MTHFD2L: variants seen among roughly 807,000 people sequenced by gnomAD.
The protein encoded by MTHFD2L is methylenetetrahydrofolate dehydrogenase (NADP+ dependent) 2 like, also known as bifunctional methylenetetrahydrofolate dehydrogenase/cyclohydrolase 2, mitochondrial.
A neutral mutation model predicts 34.9 loss-of-function variants in MTHFD2L; 29 were observed. The ratio of observed to expected loss-of-function variants is 0.83; its 90% CI spans 0.62 to 1.13. MTHFD2L has a LOEUF of 1.13. MTHFD2L is among the 50% of genes most tolerant of loss of function. The probability of loss-of-function intolerance (pLI) is 0.00; values close to 1 mark genes in which losing one functional copy is unlikely to be tolerated. For synonymous variants in MTHFD2L, 167 were observed against 155.7 expected, an observed-to-expected ratio of 1.07 and a Z score of -0.54; for missense variants, 481 against 446.5, an observed-to-expected ratio of 1.08 and a Z score of -0.70.
Position 74,215,227 on chromosome 4 carries a change from A to G in MTHFD2L, c.713-10075A>G, listed in dbSNP as rs571276673. On this transcript the variant is annotated intron_variant, in intron 5 of 7. Coordinates refer to ENST00000325278, the MANE Select transcript of MTHFD2L (RefSeq NM_001144978.3). The stretch of plus-strand genomic sequence containing the variant: ...ACGGTTCTGTCTCACTGATGTTCCA[A>G]GCGACACTGGGATATGAGAAAAAAA... 7.0e-4 allele frequency among the ~76,000 whole-genome samples: 106 copies of G among 151,810 alleles called. 1 individual carries two copies. Among genetic ancestry groups the G allele is most frequent in the African/African-American group, 2.5e-3 (101 of 41,118 alleles).
At chr4:74,193,040 ATTC>A (rs1732836848) in intron 3 of MTHFD2L, among the ~76,000 whole-genome samples, 5 of 152,136 alleles carry the variant, frequency 3.3e-5, no homozygotes, top group Admixed American at 3.3e-4. Context: ...ATACAATGAT[ATTC>A]TTCTAAATTT....
intron 3 of MTHFD2L, among the ~76,000 whole-genome samples, chr4:74,176,600 G>A (rs1358358168): frequency 6.6e-6 from 1 of 152,004 alleles, no homozygotes; most frequent in Admixed American, 6.6e-5. Flanking sequence ...TTTGAAAGAA[G>A]TGCTATGACT....
intron 6 of MTHFD2L, among the ~76,000 whole-genome samples, chr4:74,254,860 C>T (rs554355285): frequency 1.3e-5 from 2 of 152,024 alleles, no homozygotes; most frequent in Non-Finnish European, 2.9e-5. Flanking sequence ...ATTGGCTGGG[C>T]GCAGTGGCTC....
At chr4:74,249,436 A>T (rs10014580) in intron 6 of MTHFD2L, among the ~76,000 whole-genome samples, 2 of 152,044 alleles carry the variant, frequency 1.3e-5, no homozygotes, top group Non-Finnish European at 2.9e-5. Flanking sequence ...TCTTTATCCA[A>T]TTTGCCAGTC....
chr4:74,274,120 G>A (rs565295564), intron 6 of MTHFD2L, among the ~76,000 whole-genome samples: 1 of 151,930 alleles, frequency 6.6e-6, no homozygotes, highest in Non-Finnish European at 1.5e-5. Flanking sequence ...CCAAAGTGCT[G>A]GGATTACAGG....
At chr4:74,199,746 CAAAT>C (rs763852807) in intron 3 of MTHFD2L, 44 bp from the exon 4 acceptor site, 4 of 1,505,462 alleles carry the variant, frequency 2.7e-6, no homozygotes, top group Non-Finnish European at 3.6e-6. Context: ...TTCAGGCTAC[CAAAT>C]AAATAACAAT....
chr4:74,243,349 G>A lies in MTHFD2L; in HGVS notation c.805+17955G>A, dbSNP rs915076227. ...GCAGGTTATCTTTGTACTCCCAAATGTGAGGATACTGTCTCATCACATTCC... is the reference window on the plus strand; with the variant it reads ...GCAGGTTATCTTTGTACTCCCAAATATGAGGATACTGTCTCATCACATTCC... On this transcript the variant is annotated intron_variant, in intron 6 of 7. Coordinates refer to ENST00000325278, the MANE Select transcript of MTHFD2L (RefSeq NM_001144978.3). Among the ~76,000 whole-genome samples, 9 of 152,276 alleles carry A rather than the reference G, an allele frequency of 5.9e-5. No homozygotes were observed. The East Asian group carries it at 1.7e-3, about 29-fold the overall frequency.
intron 6 of MTHFD2L, among the ~76,000 whole-genome samples, chr4:74,270,573 A>T (rs1197390941): frequency 1.3e-5 from 2 of 152,166 alleles, no homozygotes; most frequent in Admixed American, 6.6e-5. Flanking sequence ...TCTATCATTA[A>T]TGGACATTTG....
chr4:74,160,471 G>A, intron 1 of MTHFD2L: 1 of 156,132 alleles, frequency 6.4e-6, no homozygotes, highest in South Asian at 1.9e-4. Context: ...GATGGAGTTT[G>A]GAAGTTACCG....
intron 6 of MTHFD2L, among the ~76,000 whole-genome samples, chr4:74,242,941 G>A (rs1344312323): frequency 6.6e-6 from 1 of 152,180 alleles, no homozygotes; most frequent in Non-Finnish European, 1.5e-5. Context: ...CTCTCCTAAT[G>A]TATAACATTT....
At chr4:74,197,070 GT>G (rs1733611786) in intron 3 of MTHFD2L, among the ~76,000 whole-genome samples, 1 of 151,818 alleles carries the variant, frequency 6.6e-6, no homozygotes, top group Non-Finnish European at 1.5e-5. Flanking sequence ...GATGACTTCT[GT>G]TTTTCCTAGC....
At chr4:74,205,852 A>AT (rs79353659) in intron 5 of MTHFD2L, among the ~76,000 whole-genome samples, 5,813 of 152,190 alleles carry the variant, frequency 0.038, 202 homozygotes, top group East Asian at 0.21. Flanking sequence ...AGGGGATATG[A>AT]TATACAAGTA....
intron 1 of MTHFD2L, among the ~76,000 whole-genome samples, chr4:74,162,812 C>A (rs953881011): frequency 5.9e-5 from 9 of 152,142 alleles, no homozygotes; most frequent in African/African-American, 2.2e-4. Flanking sequence ...AAGGCTTGAA[C>A]CCACATCATC....
intron 7 of MTHFD2L, among the ~76,000 whole-genome samples, chr4:74,284,261 C>A (rs1279266435): frequency 6.6e-6 from 1 of 152,032 alleles, no homozygotes; most frequent in Non-Finnish European, 1.5e-5. Context: ...AAGGAATCTG[C>A]AGTGATATTT....
chr4:74,286,983 A>C (rs906169050), intron 7 of MTHFD2L, among the ~76,000 whole-genome samples: 2 of 152,218 alleles, frequency 1.3e-5, no homozygotes, highest in African/African-American at 4.8e-5. Context: ...GTTAATGTTT[A>C]AGAGTGACTT....
chr4:74,225,957 G>A (rs1739089866), intron 6 of MTHFD2L, among the ~76,000 whole-genome samples: 1 of 152,010 alleles, frequency 6.6e-6, no homozygotes. Context: ...AACTGAGGAT[G>A]TTTGGTCTGG....
At chr4:74,190,401 A>AT (rs1732264136) in intron 3 of MTHFD2L, 4 of 866,558 alleles carry the variant, frequency 4.6e-6, no homozygotes, top group African/African-American at 1.8e-5. Context: ...TTTATTTTTT[A>AT]TTTTTTTACA....
rs76404456 is a variant in MTHFD2L at position 74,298,312 on chromosome 4, G to A, written c.932-3385G>A. Among the ~76,000 whole-genome samples the A allele has an allele frequency of 8.9e-3, 1,357 of 152,118 alleles. 29 individuals are homozygous for A. Among genetic ancestry groups the A allele is most frequent in the South Asian group, 0.068 (326 of 4,822 alleles). ...TCAGAGAAGCCCTAGCCCAGATCAG[G>A]TGAAGACCTATTACCCCTTACATAG... On this transcript the variant is annotated intron_variant, in intron 7 of 7. Coordinates refer to ENST00000325278, the MANE Select transcript of MTHFD2L (RefSeq NM_001144978.3).
chr4:74,225,961 G>T (rs1578534330), intron 6 of MTHFD2L, among the ~76,000 whole-genome samples: 1 of 151,870 alleles, frequency 6.6e-6, no homozygotes, highest in East Asian at 1.9e-4. Flanking sequence ...GAGGATGTTT[G>T]GTCTGGAAGA....
Sources: gnomAD v4.1 joint callset for allele counts (sites outside exome capture counted in the v4.1 genomes callset) on GRCh38, gnomAD v4.1.1 for gene constraint, MANE v1.5 for transcripts, NCBI Gene and HGNC (gene_info 2026-07-23, HGNC 2026-07-21) for gene names.